WWC1: variants seen among roughly 807,000 people sequenced by gnomAD.
The protein encoded by WWC1 is WW and C2 domain containing 1.
In WWC1, 55 loss-of-function variants were observed where a neutral mutation model predicts 138.4. The ratio of observed to expected loss-of-function variants is 0.40; its 90% confidence interval spans 0.32 to 0.50. The LOEUF is 0.50. Among genes scored for constraint, WWC1 ranks in the 20% least tolerant of loss-of-function variants. The probability of loss-of-function intolerance (pLI) is 0.72; values close to 1 mark genes in which losing one functional copy is unlikely to be tolerated. For synonymous variants in WWC1, 524 were observed against 564.9 expected (o/e 0.93, Z 1.03); for missense variants, 1,226 against 1,420.4 (o/e 0.86, Z 2.20).
chr5:168,436,982 G>T (rs930197244), intron 15 of WWC1, among the ~76,000 whole-genome samples: 1 of 152,216 alleles, frequency 6.6e-6, no homozygotes, highest in African/African-American at 2.4e-5. Flanking sequence ...TGTGTCCTTT[G>T]CCTGGCCTCC....
At chr5:168,335,363 G>T (rs2152770763) in intron 1 of WWC1, among the ~76,000 whole-genome samples, 1 of 152,360 alleles carries the variant, frequency 6.6e-6, no homozygotes, top group East Asian at 1.9e-4. Context: ...GCTCACACCT[G>T]TAATCCTAGC....
intron 1 of WWC1, among the ~76,000 whole-genome samples, chr5:168,299,087 A>C (rs575948530): frequency 6.6e-6 from 1 of 152,106 alleles, no homozygotes; most frequent in East Asian, 1.9e-4. Flanking sequence ...CGCCATCTCA[A>C]AAAAAAAGGT....
intron 4 of WWC1, among the ~76,000 whole-genome samples, chr5:168,398,297 G>T (rs1327049716): frequency 6.9e-6 from 1 of 145,228 alleles, no homozygotes; most frequent in Non-Finnish European, 1.5e-5. Context: ...TAGAGACGGG[G>T]TTTCACTGTG....
chr5:168,400,987 G>T (rs1779264348), intron 5 of WWC1, among the ~76,000 whole-genome samples: 1 of 149,794 alleles, frequency 6.7e-6, no homozygotes, highest in Admixed American at 6.7e-5. Context: ...TCTCTCCAAA[G>T]AAAGAAAGAA....
intron 17 of WWC1, among the ~76,000 whole-genome samples, chr5:168,450,626 A>G (rs537572018): frequency 3.9e-5 from 6 of 152,296 alleles, no homozygotes; most frequent in East Asian, 3.9e-4. Flanking sequence ...AGGTCGCACC[A>G]CTGCACTCCA....
At chr5:168,400,525 C>A (rs941853750) in intron 5 of WWC1, among the ~76,000 whole-genome samples, 1 of 152,184 alleles carries the variant, frequency 6.6e-6, no homozygotes, top group African/African-American at 2.4e-5. Context: ...TGCCAGGGAA[C>A]CCCTGCAGTG....
intron 2 of WWC1, among the ~76,000 whole-genome samples, chr5:168,384,781 G>A (rs1187207706): frequency 4.3e-5 from 6 of 139,620 alleles, no homozygotes; most frequent in Non-Finnish European, 6.0e-5. Context: ...GCAGTGGCAC[G>A]ATCTCAGCTT....
At chr5:168,307,900 A>G (rs1052658213) in intron 1 of WWC1, among the ~76,000 whole-genome samples, 12 of 152,074 alleles carry the variant, frequency 7.9e-5, no homozygotes, top group African/African-American at 2.2e-4. Flanking sequence ...GTGGGCCACC[A>G]TGCCCGGCCA....
intron 3 of WWC1, among the ~76,000 whole-genome samples, chr5:168,391,382 C>G (rs1778475702): frequency 6.6e-6 from 1 of 152,018 alleles, no homozygotes; most frequent in African/African-American, 2.4e-5. Flanking sequence ...AAAAATGGAC[C>G]AGGCGCGGTG....
chr5:168,424,573 G>C (rs1254060155), intron 11 of WWC1, among the ~76,000 whole-genome samples: 2 of 152,238 alleles, frequency 1.3e-5, no homozygotes, highest in African/African-American at 4.8e-5. Flanking sequence ...GTTGGGTTGT[G>C]AAAGAAGATG....
intron 9 of WWC1, among the ~76,000 whole-genome samples, chr5:168,418,660 C>G (rs1361206113): frequency 1.3e-5 from 2 of 152,134 alleles, no homozygotes; most frequent in African/African-American, 4.8e-5. Context: ...CCCTCATCAT[C>G]CTCTTGAGGC....
At chr5:168,405,591 A>G (rs901207542) in intron 5 of WWC1, among the ~76,000 whole-genome samples, 2 of 152,190 alleles carry the variant, frequency 1.3e-5, no homozygotes, top group Admixed American at 6.5e-5. Context: ...GACCCAGGGA[A>G]GTAATCAGGG....
At chr5:168,427,611 G>A (rs997530679) in intron 11 of WWC1, among the ~76,000 whole-genome samples, 9 of 130,816 alleles carry the variant, frequency 6.9e-5, no homozygotes, top group South Asian at 2.3e-4. Context: ...TGGTGGAACC[G>A]TCTGTCTTCC....
intron 13 of WWC1, 132 bp from the exon 14 acceptor site, chr5:168,430,005 G>T: frequency 3.0e-6 from 2 of 665,000 alleles, no homozygotes; most frequent in Non-Finnish European, 5.3e-6. Flanking sequence ...AAAGCACTGG[G>T]CCTGTGCTCT....
At chr5:168,389,576 A>G (rs1448069088) in intron 3 of WWC1, among the ~76,000 whole-genome samples, 2 of 142,182 alleles carry the variant, frequency 1.4e-5, no homozygotes, top group Non-Finnish European at 1.5e-5. Context: ...CAGAATCTTT[A>G]TGTTTAACTA....
chr5:168,384,805 C>G (rs1777918414), intron 2 of WWC1, among the ~76,000 whole-genome samples: 1 of 151,754 alleles, frequency 6.6e-6, no homozygotes, highest in African/African-American at 2.4e-5. Context: ...GCAACCTCCC[C>G]CTCCTGGGTT....
At chr5:168,317,485 A>G (rs1472589627) in intron 1 of WWC1, among the ~76,000 whole-genome samples, 1 of 152,088 alleles carries the variant, frequency 6.6e-6, no homozygotes, top group Non-Finnish European at 1.5e-5. Context: ...GCAGGATGGT[A>G]GTGGGGTGCA....
intron 1 of WWC1, among the ~76,000 whole-genome samples, chr5:168,363,524 C>CAAAAAA (rs386405611): frequency 1.7e-4 from 11 of 65,760 alleles, no homozygotes; most frequent in East Asian, 5.3e-4. Context: ...GACTCTGTCT[C>CAAAAAA]AAAAAAAAAA....
chr5:168,351,317 GA>G (rs1774936707), intron 1 of WWC1, among the ~76,000 whole-genome samples: 1 of 152,158 alleles, frequency 6.6e-6, no homozygotes. Context: ...AAGGGTAATT[GA>G]AAAGGGAATA....
Sources: gnomAD v4.1 joint callset for allele counts (sites outside exome capture counted in the v4.1 genomes callset) on GRCh38, gnomAD v4.1.1 for gene constraint, MANE v1.5 for transcripts, NCBI Gene and HGNC (gene_info 2026-07-23, HGNC 2026-07-21) for gene names.